The following RGS7 variants were observed in gnomAD, a reference collection of about 807,000 sequenced individuals.
RGS7 encodes the protein regulator of G-protein signaling 7.
Under a neutral mutation model 81.1 loss-of-function variants are expected in RGS7, and 27 were observed. That is an observed-to-expected ratio of 0.33 (90% CI 0.25 to 0.46). RGS7 has a LOEUF of 0.46. Among genes scored for constraint, RGS7 ranks in the 20% least tolerant of loss-of-function variants. The pLI is 1.00. For synonymous variants in RGS7, 208 were observed against 207.7 expected (o/e 1.00, Z -0.01); for missense variants, 396 against 607.4 (o/e 0.65, Z 3.66).
chr1:241,171,029 A>G (rs1479602010), intron 2 of RGS7, among the ~76,000 whole-genome samples: 4 of 152,158 alleles, frequency 2.6e-5, no homozygotes, highest in Non-Finnish European at 4.4e-5. Flanking sequence ...ATAAACTTTA[A>G]TCATCAGGAA....
At chr1:240,801,305 G>A (rs1572150246) in intron 17 of RGS7, 150 bp downstream of exon 17, 2 of 669,730 alleles carry the variant, frequency 3.0e-6, no homozygotes, top group East Asian at 5.4e-5. Context: ...AGAAAGATAA[G>A]CAGAAAACAT....
Position 241,197,476 on chromosome 1 carries a change from G to A in RGS7, c.79-98714C>T, listed in dbSNP as rs1446840717. Among the ~76,000 whole-genome samples the A allele has an allele frequency of 1.7e-3, 13 of 7,644 alleles. 3 individuals are homozygous for A. Among genetic ancestry groups the A allele is most frequent in the African/African-American group, 3.9e-3 (12 of 3,038 alleles). The allele number at this position is 7,644 out of a possible 152,430, so 5.0% of individuals were successfully genotyped here. On this transcript the variant is annotated intron_variant, in intron 2 of 18. Transcript: ENST00000440928. ...TCACCGTTTTAGCCGGGATGGTCTC[G>A]ATCTCCTGACCTCGTGATCCGCCCG...
In RGS7 at chr1:241,355,720, G is replaced by A. The variant is rs1159720571; in HGVS notation, c.57C>T (p.Pro19=). 1 of 1,614,096 alleles carries A rather than the reference G, an allele frequency of 6.2e-7. No individual in the cohort carries two copies. The highest frequency in any genetic ancestry group is 2.2e-5 in the East Asian group (1 of 44,878). ...TTACCTTTCTGTACACCAGCATGTT[G>A]GGTGATTCATCGGCCACCCCGTTGC... is the stretch of plus-strand genomic sequence containing the variant. ...QTSNGVADES[P]NMLVYRKMED... is the part of the protein sequence containing the mutation. The change falls in exon 2 of 19, where the codon CCC becomes CCT. Residue 19 remains proline (P), a synonymous_variant. Transcript: ENST00000440928.
chr1:240,971,102 T>C (rs1423330477), intron 4 of RGS7, among the ~76,000 whole-genome samples: 6 of 152,206 alleles, frequency 3.9e-5, no homozygotes, highest in Admixed American at 3.9e-4. Context: ...GATTAGGTAA[T>C]GAGGGCACAG....
intron 3 of RGS7, among the ~76,000 whole-genome samples, chr1:241,049,761 C>A (rs1182105684): frequency 2.6e-5 from 4 of 152,138 alleles, no homozygotes; most frequent in Non-Finnish European, 5.9e-5. Context: ...AGGCTTTGGT[C>A]ATGTAAAAGC....
At chr1:240,961,122 A>C (rs558416997) in intron 4 of RGS7, among the ~76,000 whole-genome samples, 1 of 152,312 alleles carries the variant, frequency 6.6e-6, no homozygotes, top group African/African-American at 2.4e-5. Context: ...AAGTAATAAA[A>C]ATTATCTGTA....
At chr1:240,939,739 T>G (rs566665095) in intron 4 of RGS7, among the ~76,000 whole-genome samples, 4 of 151,196 alleles carry the variant, frequency 2.6e-5, no homozygotes, top group South Asian at 2.1e-4. Context: ...AGAAAATAGC[T>G]CTTATCACCA....
intron 4 of RGS7, among the ~76,000 whole-genome samples, chr1:240,979,584 G>A (rs1351947000): frequency 6.6e-6 from 1 of 152,200 alleles, no homozygotes; most frequent in East Asian, 1.9e-4. Flanking sequence ...ACGTTTCGGG[G>A]AGAGGCCTTA....
chr1:241,261,959 C>T (rs555142085), intron 2 of RGS7, among the ~76,000 whole-genome samples: 4 of 151,230 alleles, frequency 2.6e-5, no homozygotes, highest in African/African-American at 9.7e-5. Flanking sequence ...TTGTGAGTGG[C>T]CCAGGAAAAA....
Position 241,174,795 on chromosome 1 carries a change from G to A in RGS7, c.79-76033C>T, listed in dbSNP as rs60909271. Among the ~76,000 whole-genome samples, 434 of 150,046 alleles carry A rather than the reference G, an allele frequency of 2.9e-3. 3 individuals carry two copies. Among genetic ancestry groups the A allele is most frequent in the African/African-American group, 9.8e-3 (402 of 40,910 alleles). On this transcript the variant is annotated intron_variant, in intron 2 of 18. Transcript: ENST00000440928. ...TTCTATGAGAGGTGGTCCTGTGAGT[G>A]TATGATGAACACTTAAAAACAAACT...
At chr1:241,013,243 T>G (rs929365288) in intron 3 of RGS7, among the ~76,000 whole-genome samples, 1 of 151,870 alleles carries the variant, frequency 6.6e-6, no homozygotes, top group Non-Finnish European at 1.5e-5. Context: ...TTGTATTTTT[T>G]CTAGAGATGG....
intron 2 of RGS7, among the ~76,000 whole-genome samples, chr1:241,266,246 T>C (rs777029585): frequency 1.3e-5 from 2 of 152,228 alleles, no homozygotes; most frequent in African/African-American, 2.4e-5. Flanking sequence ...TTTAATCATG[T>C]TATTTTTCCA....
intron 2 of RGS7, among the ~76,000 whole-genome samples, chr1:241,154,622 G>A (rs890478253): frequency 2.0e-5 from 3 of 152,262 alleles, no homozygotes; most frequent in African/African-American, 7.2e-5. Flanking sequence ...AAACTGGCCA[G>A]AGGTCATTAA....
chr1:240,993,353 T>A (rs1032336976), intron 3 of RGS7, among the ~76,000 whole-genome samples: 1 of 152,216 alleles, frequency 6.6e-6, no homozygotes, highest in Non-Finnish European at 1.5e-5. Context: ...ACCAGCGATG[T>A]AGGAGTGATT....
intron 6 of RGS7, among the ~76,000 whole-genome samples, chr1:240,921,490 T>C (rs1346285239): frequency 6.6e-6 from 1 of 152,092 alleles, no homozygotes; most frequent in Non-Finnish European, 1.5e-5. Context: ...AAATAAATCT[T>C]TGTTCAGGAA....
chr1:240,902,752 T>G (rs1489115898), intron 6 of RGS7, among the ~76,000 whole-genome samples: 1 of 152,210 alleles, frequency 6.6e-6, no homozygotes, highest in Non-Finnish European at 1.5e-5. Flanking sequence ...CTATGGGACA[T>G]CTAAATGACA....
intron 2 of RGS7, among the ~76,000 whole-genome samples, chr1:241,339,262 C>A (rs1027504796): frequency 6.6e-6 from 1 of 152,202 alleles, no homozygotes; most frequent in Non-Finnish European, 1.5e-5. Flanking sequence ...TGTATACACA[C>A]CACACTTTCT....
At chr1:241,316,248 C>G (rs1463806468) in intron 2 of RGS7, among the ~76,000 whole-genome samples, 1 of 152,172 alleles carries the variant, frequency 6.6e-6, no homozygotes, top group African/African-American at 2.4e-5. Flanking sequence ...CTCTCTGAAC[C>G]CAGGTTTTGG....
intron 4 of RGS7, 104 bp from the exon 5 acceptor site, chr1:240,936,810 TTC>T: frequency 2.4e-6 from 2 of 841,408 alleles, no homozygotes; most frequent in Non-Finnish European, 4.0e-6. Context: ...ATACAGTAAG[TTC>T]CTCTTGAAAG....
Sources: allele counts gnomAD v4.1 joint callset (sites outside exome capture counted in the v4.1 genomes callset), GRCh38; gene constraint gnomAD v4.1.1; transcripts MANE v1.5; gene names NCBI Gene and HGNC (gene_info 2026-07-23, HGNC 2026-07-21).